FBXO34: variants seen among roughly 807,000 people sequenced by gnomAD.
The protein encoded by FBXO34 is F-box only protein 34.
A neutral mutation model predicts 24.5 loss-of-function variants in FBXO34; 12 were observed. That is an observed-to-expected ratio of 0.49 (90% CI 0.31 to 0.79). The LOEUF (loss-of-function observed/expected upper bound fraction) is 0.79, where lower values mean the gene tolerates loss of function less well. Among genes scored for constraint, FBXO34 ranks in the 30% least tolerant of loss-of-function variants. The probability of loss-of-function intolerance (pLI) is 0.04; values close to 1 mark genes in which losing one functional copy is unlikely to be tolerated. For missense variants in FBXO34, 823 were observed against 857.7 expected (o/e 0.96, Z 0.51); for synonymous variants, 320 against 311.9 (o/e 1.03, Z -0.27).
intron 1 of FBXO34, among the ~76,000 whole-genome samples, chr14:55,290,085 CT>C (rs1458813154): frequency 6.6e-6 from 1 of 151,972 alleles, no homozygotes; most frequent in African/African-American, 2.4e-5. Flanking sequence ...TCTTACTCTC[CT>C]TTTTTTAAAT....
the FBXO34 span, among the ~76,000 whole-genome samples, chr14:55,388,707 G>A: frequency 6.6e-6 from 1 of 152,118 alleles, no homozygotes; most frequent in East Asian, 1.9e-4. Flanking sequence ...AAGCTCTTAA[G>A]CATGAGTCCG....
chr14:55,388,557 C>A, the FBXO34 span, among the ~76,000 whole-genome samples: 1 of 152,216 alleles, frequency 6.6e-6, no homozygotes, highest in African/African-American at 2.4e-5. Flanking sequence ...ACTTCCCTAT[C>A]TATGCCCTAT....
intron 1 of FBXO34, among the ~76,000 whole-genome samples, chr14:55,328,998 C>G (rs942151336): frequency 2.6e-5 from 4 of 151,638 alleles, no homozygotes; most frequent in Non-Finnish European, 4.4e-5. Context: ...CAAACAGTTC[C>G]CATTTTACTC....
chr14:55,359,371 A>G (rs535457324), intron 3 of FBXO34, among the ~76,000 whole-genome samples: 24 of 152,324 alleles, frequency 1.6e-4, no homozygotes, highest in African/African-American at 5.3e-4. Flanking sequence ...GTTCCATCCA[A>G]CAGTTCCAGA....
intron 1 of FBXO34, among the ~76,000 whole-genome samples, chr14:55,300,277 T>C (rs1882303693): frequency 6.6e-6 from 1 of 152,158 alleles, no homozygotes; most frequent in African/African-American, 2.4e-5. Flanking sequence ...CTACCTCTCT[T>C]TGGTAATGTT....
At chr14:55,379,119 G>T in the FBXO34 span, among the ~76,000 whole-genome samples, 1 of 152,150 alleles carries the variant, frequency 6.6e-6, no homozygotes, top group African/African-American at 2.4e-5. Flanking sequence ...GCTCCAAGAG[G>T]GCAAGGATTA....
At chr14:55,321,702 G>A (rs1453870070) in intron 1 of FBXO34, among the ~76,000 whole-genome samples, 2 of 152,130 alleles carry the variant, frequency 1.3e-5, no homozygotes, top group African/African-American at 2.4e-5. Context: ...CAGCCAGCTT[G>A]CAGTGTTTCT....
chr14:55,275,370 AAC>A (rs1433489623), intron 1 of FBXO34, among the ~76,000 whole-genome samples: 1 of 152,214 alleles, frequency 6.6e-6, no homozygotes. Context: ...TCATCCAGCA[AAC>A]ATTTTTTTGA....
chr14:55,436,827 A>G, the FBXO34 span: 1 of 1,614,266 alleles, frequency 6.2e-7, no homozygotes, highest in East Asian at 2.2e-5. Context: ...TGCTAATGAC[A>G]GGCTGGTCTT....
the FBXO34 span, chr14:55,424,308 A>T: frequency 8.6e-7 from 1 of 1,162,418 alleles, no homozygotes; most frequent in Non-Finnish European, 1.3e-6. Context: ...CTCCTTTCCC[A>T]TAACATGTAA....
At chr14:55,344,001 G>A (rs1322379999) in intron 1 of FBXO34, among the ~76,000 whole-genome samples, 2 of 152,100 alleles carry the variant, frequency 1.3e-5, no homozygotes, top group African/African-American at 4.8e-5. Context: ...AGGAATACTG[G>A]AATTATTGAA....
At chr14:55,302,677 C>T (rs1253229136) in intron 1 of FBXO34, among the ~76,000 whole-genome samples, 1 of 151,912 alleles carries the variant, frequency 6.6e-6, no homozygotes, top group African/African-American at 2.4e-5. Flanking sequence ...CTATTTTACT[C>T]ATAGACTCTG....
the FBXO34 span, among the ~76,000 whole-genome samples, chr14:55,428,116 TATC>T: frequency 1.5e-5 from 2 of 130,024 alleles, no homozygotes; most frequent in African/African-American, 3.1e-5. Context: ...TCACATGCCT[TATC>T]TTTTTTTTTT....
chr14:55,388,180 G>C, the FBXO34 span, among the ~76,000 whole-genome samples: 1 of 152,140 alleles, frequency 6.6e-6, no homozygotes, highest in African/African-American at 2.4e-5. Flanking sequence ...TGCTTAATGT[G>C]AATGTCCTAA....
intron 1 of FBXO34, among the ~76,000 whole-genome samples, chr14:55,331,054 A>C (rs1390407571): frequency 6.6e-6 from 1 of 152,220 alleles, no homozygotes; most frequent in Non-Finnish European, 1.5e-5. Context: ...TTTGAATAGG[A>C]GAAATGATTG....
chr14:55,363,978 CTT>C (rs899524547), downstream of FBXO34, among the ~76,000 whole-genome samples: 2 of 150,798 alleles, frequency 1.3e-5, no homozygotes, highest in East Asian at 3.9e-4. Flanking sequence ...GAGTTTCGCT[CTT>C]GTTGCCCAGG....
intron 1 of FBXO34, among the ~76,000 whole-genome samples, chr14:55,343,241 A>ATTT (rs377334751): frequency 1.5e-5 from 2 of 130,894 alleles, no homozygotes; most frequent in Non-Finnish European, 3.2e-5. Flanking sequence ...TATTCCTCCG[A>ATTT]TTTTTTTTTT....
At chr14:55,407,528 G>T in the FBXO34 span, among the ~76,000 whole-genome samples, 1 of 152,222 alleles carries the variant, frequency 6.6e-6, no homozygotes, top group African/African-American at 2.4e-5. Flanking sequence ...GCCTCCCAAA[G>T]TGCTGGGATT....
intron 1 of FBXO34, among the ~76,000 whole-genome samples, chr14:55,288,543 T>A (rs553847096): frequency 1.3e-5 from 2 of 152,312 alleles, no homozygotes; most frequent in East Asian, 3.9e-4. Flanking sequence ...ACGGCCTGTT[T>A]GATACATTTC....
Sources: allele counts gnomAD v4.1 joint callset (sites outside exome capture counted in the v4.1 genomes callset), GRCh38; gene constraint gnomAD v4.1.1; transcripts MANE v1.5; gene names NCBI Gene and HGNC (gene_info 2026-07-23, HGNC 2026-07-21).